CPNE8: variants seen among roughly 807,000 people sequenced by gnomAD.
The protein encoded by CPNE8 is copine-8.
In CPNE8, 45 loss-of-function variants were observed where a neutral mutation model predicts 81.5. The ratio of observed to expected loss-of-function variants is 0.55; its 90% CI spans 0.44 to 0.71. The LOEUF is 0.71. Among genes scored for constraint, CPNE8 ranks in the 30% least tolerant of loss-of-function variants. The pLI is 0.00. For missense variants in CPNE8, 594 were observed against 672.1 expected (o/e 0.88, Z 1.28); for synonymous variants, 252 against 226.3 (o/e 1.11, Z -1.02).
intron 5 of CPNE8, among the ~76,000 whole-genome samples, chr12:38,836,586 C>CA (rs1235297186): frequency 6.6e-6 from 1 of 152,090 alleles, no homozygotes; most frequent in Admixed American, 6.5e-5. Context: ...TCTCTTGCTA[C>CA]AAAATCCCTT....
intron 1 of CPNE8, among the ~76,000 whole-genome samples, chr12:38,902,419 A>AGAAAGAAAG (rs1944503041): frequency 1.0e-5 from 1 of 99,500 alleles, no homozygotes; most frequent in African/African-American, 6.0e-5. Context: ...AAGAAAGAAA[A>AGAAAGAAAG]AGAAAGAAAG....
chr12:38,700,831 G>A (rs958720553), intron 14 of CPNE8, among the ~76,000 whole-genome samples: 3 of 152,102 alleles, frequency 2.0e-5, no homozygotes, highest in Admixed American at 1.3e-4. Flanking sequence ...GTCTTATAAA[G>A]GGGAGTTCCC....
chr12:38,720,298 T>C (rs963419185), intron 13 of CPNE8, among the ~76,000 whole-genome samples: 1 of 152,216 alleles, frequency 6.6e-6, no homozygotes, highest in African/African-American at 2.4e-5. Context: ...TCAGGTACTA[T>C]AGAATGCCAT....
intron 3 of CPNE8, among the ~76,000 whole-genome samples, chr12:38,863,109 A>T (rs536031340): frequency 4.3e-4 from 66 of 152,370 alleles, no homozygotes; most frequent in African/African-American, 1.6e-3. Context: ...AACCAAAAAA[A>T]GAAACACAAA....
intron 10 of CPNE8, among the ~76,000 whole-genome samples, chr12:38,748,759 T>G (rs1183410996): frequency 2.6e-5 from 4 of 152,136 alleles, no homozygotes; most frequent in African/African-American, 9.7e-5. Context: ...ATAACAGTAT[T>G]TTTAAGGATA....
At chr12:38,723,181 G>C (rs150329093) in intron 13 of CPNE8, among the ~76,000 whole-genome samples, 1,968 of 152,264 alleles carry the variant, frequency 0.013, 28 homozygotes, top group South Asian at 0.042. Context: ...AGGTTAAAAT[G>C]AGAAGCAAAA....
intron 1 of CPNE8, among the ~76,000 whole-genome samples, chr12:38,880,400 T>G (rs1944135317): frequency 6.6e-6 from 1 of 152,228 alleles, no homozygotes; most frequent in African/African-American, 2.4e-5. Context: ...GTCTCCAATC[T>G]AAAGCACCAT....
intron 13 of CPNE8, among the ~76,000 whole-genome samples, chr12:38,716,495 T>C (rs1464965308): frequency 6.6e-6 from 1 of 151,910 alleles, no homozygotes; most frequent in East Asian, 1.9e-4. Context: ...TAAAGCCAAA[T>C]AGAACTAACT....
intron 6 of CPNE8, among the ~76,000 whole-genome samples, chr12:38,806,863 C>G (rs1191899768): frequency 4.6e-5 from 7 of 150,766 alleles, no homozygotes; most frequent in African/African-American, 1.7e-4. Flanking sequence ...CCCATCGTCT[C>G]AGCCCAAAAT....
intron 3 of CPNE8, among the ~76,000 whole-genome samples, chr12:38,863,276 G>GA (rs1339960540): frequency 1.2e-4 from 18 of 152,256 alleles, no homozygotes; most frequent in African/African-American, 4.3e-4. Flanking sequence ...AAAACTAACA[G>GA]AAGAAATTGA....
intron 5 of CPNE8, among the ~76,000 whole-genome samples, chr12:38,836,419 C>T (rs1943382132): frequency 6.6e-6 from 1 of 152,084 alleles, no homozygotes; most frequent in Non-Finnish European, 1.5e-5. Flanking sequence ...GTTCTATATT[C>T]TATCTCCATT....
At chr12:38,761,721 C>G (rs851933) in intron 9 of CPNE8, among the ~76,000 whole-genome samples, 19,988 of 152,116 alleles carry the variant, frequency 0.13, 1,613 homozygotes, top group East Asian at 0.25. Flanking sequence ...CCTTACCCAG[C>G]TAATTGTGAA....
At chr12:38,701,084 CTTTG>C (rs1317944986) in intron 14 of CPNE8, among the ~76,000 whole-genome samples, 2 of 152,136 alleles carry the variant, frequency 1.3e-5, no homozygotes, top group African/African-American at 4.8e-5. Context: ...ACAAATCTTA[CTTTG>C]TTTGGGTGTG....
intron 6 of CPNE8, among the ~76,000 whole-genome samples, chr12:38,802,917 T>C (rs967133844): frequency 1.3e-5 from 2 of 149,604 alleles, no homozygotes; most frequent in Non-Finnish European, 3.0e-5. Context: ...AAGAAATAGA[T>C]ACATTCCTCG....
chr12:38,862,298 T>A (rs1943849045), intron 3 of CPNE8, among the ~76,000 whole-genome samples: 1 of 142,156 alleles, frequency 7.0e-6, no homozygotes, highest in Admixed American at 7.8e-5. Flanking sequence ...TCTTATATAA[T>A]CCTGAAGATT....
At chr12:38,807,885 T>C (rs1565628933) in intron 6 of CPNE8, among the ~76,000 whole-genome samples, 1 of 151,624 alleles carries the variant, frequency 6.6e-6, no homozygotes, top group African/African-American at 2.4e-5. Context: ...GAATCTACAA[T>C]GAACTCCAAC....
At chr12:38,867,368 G>C (rs796194430) in intron 3 of CPNE8, among the ~76,000 whole-genome samples, 1 of 148,000 alleles carries the variant, frequency 6.8e-6, no homozygotes, top group African/African-American at 2.6e-5. Flanking sequence ...GAGAGAGAGA[G>C]ACAGAGAGAG....
chr12:38,652,342 C>T lies in CPNE8; in HGVS notation c.*1540G>A, dbSNP rs796335412. 24 of 152,188 alleles carry T rather than the reference C, an allele frequency of 1.6e-4. No individual in the cohort carries two copies. Among genetic ancestry groups the T allele is most frequent in the African/African-American group, 4.3e-4 (18 of 41,400 alleles). The allele number at this position is 152,188 out of a possible 1,614,324, so 9.4% of individuals were successfully genotyped here. A position where few individuals can be genotyped will look rare whatever the true frequency, so the allele number is the denominator to read the frequency against. On this transcript the variant is annotated 3_prime_UTR_variant, in exon 20 of 20. Coordinates refer to ENST00000331366, the MANE Select transcript of CPNE8 (RefSeq NM_153634.3). ...AAACTATTGTCATTCATACATGAAA[C>T]GTACAAAGCAAATAGTTATGATTTA...
At chr12:38,817,206 C>A (rs1298166513) in intron 6 of CPNE8, among the ~76,000 whole-genome samples, 1 of 152,100 alleles carries the variant, frequency 6.6e-6, no homozygotes, top group East Asian at 1.9e-4. Context: ...GGTACGATGA[C>A]AACACTGTGA....
Sources: gnomAD v4.1 joint callset for allele counts (sites outside exome capture counted in the v4.1 genomes callset) on GRCh38, gnomAD v4.1.1 for gene constraint, MANE v1.5 for transcripts, NCBI Gene and HGNC (gene_info 2026-07-23, HGNC 2026-07-21) for gene names.